The following ZSCAN30 variants were observed in gnomAD, a reference collection of about 807,000 sequenced individuals.
ZSCAN30 encodes zinc finger and SCAN domain containing 30, also known as zinc finger and SCAN domain-containing protein 30.
In ZSCAN30, 37 loss-of-function variants were observed where a neutral mutation model predicts 44.3. The observed-to-expected ratio is 0.84, with a 90% CI of 0.64 to 1.10. The LOEUF (loss-of-function observed/expected upper bound fraction) is 1.10. ZSCAN30 is among the 50% of genes least tolerant of loss of function. ZSCAN30 has a pLI of 0.00. For synonymous variants in ZSCAN30, 181 were observed against 204.6 expected, an observed-to-expected ratio of 0.88 and a Z score of 0.98; for missense variants, 549 against 582.6, an observed-to-expected ratio of 0.94 and a Z score of 0.59.
intron 1 of ZSCAN30, among the ~76,000 whole-genome samples, chr18:35,287,574 C>CAAAAAAAAAAAAAAAA (rs59300208): frequency 1.1e-5 from 1 of 94,706 alleles, no homozygotes; most frequent in Non-Finnish European, 2.0e-5. Flanking sequence ...ATCCACATAC[C>CAAAAAAAAAAAAAAAA]AAAAAAAAAA....
At position 35,286,863 on chromosome 18, in the gene ZSCAN30, A is replaced by C. The variant is rs77637614; in HGVS notation, c.-104+3221T>G. Among the ~76,000 whole-genome samples, 120 of 152,272 alleles carry C rather than the reference A, an allele frequency of 7.9e-4. 1 individual carries two copies. In the East Asian group the frequency reaches 0.02, roughly 26 times the overall value. ...CTGCCTTACTGCGCTGAAAATAAGA[A>C]AGGCATCCAGATTGGAAAGGAAGGA... On this transcript the variant is annotated intron_variant, in intron 1 of 3. Coordinates refer to ENST00000333206, the MANE Select transcript of ZSCAN30 (RefSeq NM_001112734.4).
intron 1 of ZSCAN30, among the ~76,000 whole-genome samples, chr18:35,285,729 A>G (rs1338303531): frequency 1.3e-5 from 2 of 152,164 alleles, no homozygotes; most frequent in African/African-American, 4.8e-5. Context: ...GAAAATTTAT[A>G]GCACCAAATT....
intron 1 of ZSCAN30, among the ~76,000 whole-genome samples, chr18:35,265,508 T>TA (rs1165700566): frequency 6.6e-6 from 1 of 152,246 alleles, no homozygotes; most frequent in Non-Finnish European, 1.5e-5. Context: ...TTGCTCTTTT[T>TA]ATTTCTTTTT....
chr18:35,260,686 G>T (rs1024135826), intron 3 of ZSCAN30: 3 of 151,996 alleles, frequency 2.0e-5, no homozygotes, highest in Admixed American at 6.5e-5. Context: ...CATGTCCTTT[G>T]CCCACTTTTT....
At position 35,253,790 on chromosome 18, in the gene ZSCAN30, T is replaced by C. The variant is rs2043682424; in HGVS notation, c.1145A>G (p.Glu382Gly). 6.2e-7 allele frequency: 1 copy of C among 1,614,092 alleles called. No homozygotes were observed. ...ACATTCTCCACATTCATAAGGCTTCTCTCCAGTGTGGATTCTCCGATGCCT... is the reference window on the plus strand; with the variant it reads ...ACATTCTCCACATTCATAAGGCTTCCCTCCAGTGTGGATTCTCCGATGCCT... The part of the protein sequence containing the change: ...LIRHRRIHTG[E>G]KPYECGECGK... Residue 382 changes from glutamate (E) to glycine (G), a missense_variant, in exon 4 of 4, where the codon GAG (glutamate) becomes GGG (glycine). Coordinates refer to ENST00000333206, the MANE Select transcript of ZSCAN30 (RefSeq NM_001112734.4).
At chr18:35,263,714 C>G (rs759516660) in intron 2 of ZSCAN30, 57 bp from the exon 3 acceptor site, 2 of 1,592,816 alleles carry the variant, frequency 1.3e-6, no homozygotes, top group Non-Finnish European at 1.7e-6. Flanking sequence ...CAGAAAACTC[C>G]TAGAGCAACA....
At chr18:35,259,204 T>C (rs2043950115) in intron 3 of ZSCAN30, 1 of 152,202 alleles carries the variant, frequency 6.6e-6, no homozygotes, top group African/African-American at 2.4e-5. Context: ...TCTTTTCTTG[T>C]TGTTGTTGAG....
intron 3 of ZSCAN30, chr18:35,257,803 G>T: frequency 1.3e-6 from 1 of 763,056 alleles, no homozygotes; most frequent in Admixed American, 1.7e-5. Flanking sequence ...CAACTCTGCA[G>T]TGCAATTATG....
chr18:35,277,350 G>A (rs936919907), intron 1 of ZSCAN30, among the ~76,000 whole-genome samples: 1 of 152,150 alleles, frequency 6.6e-6, no homozygotes, highest in Non-Finnish European at 1.5e-5. Context: ...AGATTTGGGA[G>A]GGGCCAGGGG....
intron 1 of ZSCAN30, among the ~76,000 whole-genome samples, chr18:35,271,618 G>A (rs1223720523): frequency 6.6e-6 from 1 of 152,254 alleles, no homozygotes; most frequent in Non-Finnish European, 1.5e-5. Flanking sequence ...AGGGCCGTGG[G>A]CGTAGCTGCC....
At position 35,254,127 on chromosome 18, in the gene ZSCAN30, G is replaced by A; in HGVS notation, c.808C>T (p.His270Tyr). The A allele has an allele frequency of 1.2e-6, 2 of 1,614,172 alleles. No individual in the cohort carries two copies. Among genetic ancestry groups the A allele is most frequent in the Non-Finnish European group, 1.7e-6 (2 of 1,180,008 alleles). ...CTCTCATGAGATTCAAGGACACTGT[G>A]TTCTGTGGGGATTCTTCTGTTGAAG... ...ATFNRRIPTE[H>Y]SVLESHESEG... is the part of the protein sequence containing the mutation. Residue 270 changes from histidine to tyrosine, a missense_variant, in exon 4 of 4, where the codon CAC (histidine) becomes TAC (tyrosine). Transcript: ENST00000333206.
intron 1 of ZSCAN30, chr18:35,289,571 A>C (rs976351463): frequency 1.3e-5 from 2 of 152,138 alleles, no homozygotes; most frequent in Admixed American, 1.3e-4. Context: ...ATTTCCCAAG[A>C]TATTTCCATG....
In ZSCAN30 at chr18:35,253,335, G is replaced by C. The variant is rs532072888; in HGVS notation, c.*115C>G. On this transcript the variant is annotated 3_prime_UTR_variant, in exon 4 of 4. Transcript: ENST00000333206. ...TGTGTGCATGTCTTCTTATAGTACC[G>C]AACTGGGAGGGAAGGACAGAAGTTC... The C allele has an allele frequency of 1.3e-6, 1 of 769,490 alleles. No homozygotes were observed. Among genetic ancestry groups the C allele is most frequent in the Non-Finnish European group, 2.0e-6 (1 of 491,684 alleles). The allele number at this position is 769,490 out of a possible 1,614,324, so 47.7% of individuals were successfully genotyped here. A position where few individuals can be genotyped will look rare whatever the true frequency, so the allele number is the denominator to read the frequency against.
chr18:35,267,733 A>C (rs1455753385), intron 1 of ZSCAN30: 3 of 150,904 alleles, frequency 2.0e-5, no homozygotes, highest in African/African-American at 7.3e-5. Context: ...TATATATTCT[A>C]TATATTTTAA....
intron 1 of ZSCAN30, chr18:35,284,544 C>T (rs917799110): frequency 1.3e-5 from 2 of 155,086 alleles, no homozygotes; most frequent in Non-Finnish European, 2.9e-5. Context: ...TCAGCACTGC[C>T]TCAAGTATGC....
At chr18:35,258,333 GAGTCAAC>G in intron 3 of ZSCAN30, 1 of 216,574 alleles carries the variant, frequency 4.6e-6, no homozygotes, top group Non-Finnish European at 9.1e-6. Flanking sequence ...TATGGTGACT[GAGTCAAC>G]AACATACTGC....
chr18:35,253,530 A>G lies in ZSCAN30; in HGVS notation c.1405T>C (p.Tyr469His). ...HQRIHTGEKP[Y>H]ECSECRKTFR... ...GTTTTTCTACATTCACTACATTCATAAGGCTTCTCTCCAGTGTGAATTCTC... is the reference window on the plus strand; with the variant it reads ...GTTTTTCTACATTCACTACATTCATGAGGCTTCTCTCCAGTGTGAATTCTC... Residue 469 changes from tyrosine (Y) to histidine (H), a missense_variant, in exon 4 of 4, where the codon TAT becomes CAT. Tyr to His is a moderately conservative substitution (Grantham distance 83). Transcript: ENST00000333206. 9 of 1,613,540 alleles carry G rather than the reference A, an allele frequency of 5.6e-6. No homozygotes were observed. Among genetic ancestry groups the G allele is most frequent in the Non-Finnish European group, 7.6e-6 (9 of 1,179,554 alleles).
intron 1 of ZSCAN30, chr18:35,269,723 T>C (rs919636124): frequency 1.3e-5 from 2 of 152,164 alleles, no homozygotes. Context: ...CTACATGGGA[T>C]TAGTGGTTCC....
chr18:35,274,327 G>A (rs755671304), intron 1 of ZSCAN30, among the ~76,000 whole-genome samples: 7 of 152,212 alleles, frequency 4.6e-5, no homozygotes, highest in African/African-American at 1.2e-4. Flanking sequence ...ATGAGCCACC[G>A]TGCCCGGCCG....
Sources: gnomAD v4.1 joint callset for allele counts (sites outside exome capture counted in the v4.1 genomes callset) on GRCh38, gnomAD v4.1.1 for gene constraint, MANE v1.5 for transcripts, NCBI Gene and HGNC (gene_info 2026-07-23, HGNC 2026-07-21) for gene names.